Variants in AGTPBP1 observed in about 807,000 individuals in gnomAD.
AGTPBP1 encodes the protein ATP/GTP binding carboxypeptidase 1, also known as cytosolic carboxypeptidase 1.
Under a neutral mutation model 143.9 loss-of-function variants are expected in AGTPBP1, and 70 were observed. The ratio of observed to expected loss-of-function variants is 0.49; its 90% CI spans 0.40 to 0.59. AGTPBP1 has a LOEUF of 0.59. AGTPBP1 is among the 20% of genes least tolerant of loss of function. The pLI is 0.00. For missense variants in AGTPBP1, 1,229 were observed against 1,464.5 expected (o/e 0.84, Z 2.62); for synonymous variants, 463 against 500.2 (o/e 0.93, Z 0.99).
intron 2 of AGTPBP1, among the ~76,000 whole-genome samples, chr9:85,696,713 T>C (rs567494669): frequency 6.6e-6 from 1 of 151,900 alleles, no homozygotes; most frequent in Non-Finnish European, 1.5e-5. Flanking sequence ...TTGATTTGCA[T>C]AATTAAATCA....
chr9:85,760,776 CA>C, the AGTPBP1 span, among the ~76,000 whole-genome samples: 1 of 152,264 alleles, frequency 6.6e-6, no homozygotes, highest in Non-Finnish European at 1.5e-5. Context: ...CCAGGGCAAT[CA>C]GGCAGGAGAA....
chr9:85,633,022 G>T lies in AGTPBP1; in HGVS notation c.1655C>A (p.Ala552Glu), dbSNP rs1192393186. ...AAGACTGCAGTCCTTCTTCATTTCTGCAGTAAAACCTGGGGCTGTTTGAGA... is the reference window on the plus strand; with the variant it reads ...AAGACTGCAGTCCTTCTTCATTTCTTCAGTAAAACCTGGGGCTGTTTGAGA... ...IPSQTAPGFT[A>E]EMKKDCSLPL... Residue 552 changes from alanine to glutamate, a missense_variant, in exon 14 of 26, where the codon GCA becomes GAA. Physicochemically the swap from Ala to Glu is moderately radical, Grantham distance 107. Around this residue, in one of 2 missense-constraint regions of AGTPBP1, gnomAD observed 743 missense variants for 812.2 expected, o/e 0.91. Coordinates refer to ENST00000357081, the MANE Select transcript of AGTPBP1 (RefSeq NM_001330701.2). 1 of 1,614,126 alleles carries T rather than the reference G, an allele frequency of 6.2e-7. No homozygotes were observed. The highest frequency in any genetic ancestry group is 8.5e-7 in the Non-Finnish European group (1 of 1,180,008).
the AGTPBP1 span, among the ~76,000 whole-genome samples, chr9:85,795,365 C>T: frequency 6.6e-6 from 1 of 152,268 alleles, no homozygotes; most frequent in African/African-American, 2.4e-5. Context: ...ATTCAATAAA[C>T]TTCTGTGTGC....
At chr9:85,665,939 A>G (rs1384081322) in intron 8 of AGTPBP1, among the ~76,000 whole-genome samples, 2 of 152,166 alleles carry the variant, frequency 1.3e-5, no homozygotes, top group Non-Finnish European at 2.9e-5. Flanking sequence ...TATAAGCCAG[A>G]GTAAATTAAT....
rs568042856 is a variant in AGTPBP1, at chr9:85,712,035, G to GGGTGGATCACCT, written c.32+455_32+466dup. ...TCCCAGCACTTTGGGAGGCCAAGGCGGGTGGATCACCTGAGGTCAGGAGTT... is the reference window on the plus strand; with the variant it reads ...TCCCAGCACTTTGGGAGGCCAAGGCGGGTGGATCACCTGGTGGATCACCTGAGGTCAGGAGTT... On this transcript the variant is annotated intron_variant, in intron 2 of 25. Transcript: ENST00000357081. 9.8e-3 allele frequency among the ~76,000 whole-genome samples: 1,497 copies of GGGTGGATCACCT among 152,162 alleles called. 31 individuals carry two copies. The highest frequency in any genetic ancestry group is 0.034 in the African/African-American group (1,402 of 41,500).
chr9:85,671,232 G>A (rs1027402272), intron 7 of AGTPBP1, among the ~76,000 whole-genome samples: 2 of 151,950 alleles, frequency 1.3e-5, no homozygotes, highest in African/African-American at 2.4e-5. Context: ...AGCCATGTGC[G>A]ACTGTACCAG....
intron 3 of AGTPBP1, among the ~76,000 whole-genome samples, chr9:85,688,276 A>G (rs1256158016): frequency 6.6e-6 from 1 of 152,122 alleles, no homozygotes; most frequent in Non-Finnish European, 1.5e-5. Flanking sequence ...TAGCTAGGCT[A>G]GGGTCTCTTA....
At chr9:85,774,951 A>AT in the AGTPBP1 span, among the ~76,000 whole-genome samples, 2 of 152,146 alleles carry the variant, frequency 1.3e-5, no homozygotes, top group Admixed American at 6.5e-5. Flanking sequence ...ATATTTTAAT[A>AT]TTTTTTTAAG....
chr9:85,642,643 A>G (rs926396311), intron 13 of AGTPBP1, among the ~76,000 whole-genome samples, 184 bp downstream of exon 13: 2 of 151,774 alleles, frequency 1.3e-5, no homozygotes, highest in African/African-American at 4.8e-5. Context: ...ATCTCCCCTC[A>G]TTTTACAATT....
intron 17 of AGTPBP1, among the ~76,000 whole-genome samples, chr9:85,597,653 AT>A (rs750791420): frequency 2.0e-5 from 3 of 152,136 alleles, no homozygotes; most frequent in Non-Finnish European, 2.9e-5. Context: ...GGTAAATGCT[AT>A]TATTATTCCC....
intron 25 of AGTPBP1, among the ~76,000 whole-genome samples, chr9:85,549,045 T>C (rs570385881): frequency 2.6e-5 from 4 of 152,358 alleles, no homozygotes; most frequent in Admixed American, 6.5e-5. Context: ...CTCCTTGAGT[T>C]TGTATTTCAA....
chr9:85,687,510 C>G (rs1027369815), intron 3 of AGTPBP1, among the ~76,000 whole-genome samples: 1 of 151,738 alleles, frequency 6.6e-6, no homozygotes, highest in Non-Finnish European at 1.5e-5. Flanking sequence ...TGAAATCAAT[C>G]AAAGTATATT....
chr9:85,751,341 A>G, the AGTPBP1 span, among the ~76,000 whole-genome samples: 2 of 152,254 alleles, frequency 1.3e-5, no homozygotes, highest in Admixed American at 1.3e-4. Flanking sequence ...TAACACTTTT[A>G]TAAAACATGA....
Position 85,630,391 on chromosome 9 carries a change from C to CTTATTTATTTATTTATTTAT in AGTPBP1, c.2015+2270_2015+2271insATAAATAAATAAATAAATAA, listed in dbSNP as rs201466007. ...CAGGATTGACTTACTTACTTACTTACTTATTTATTTAGTTATTTATTTATT... is the reference window on the plus strand; with the variant it reads ...CAGGATTGACTTACTTACTTACTTACTTATTTATTTATTTATTTATTTATTTATTTAGTTATTTATTTATT... On this transcript the variant is annotated intron_variant, in intron 14 of 25. Transcript: ENST00000357081. Among the ~76,000 whole-genome samples the CTTATTTATTTATTTATTTAT allele has an allele frequency of 9.2e-3, 1,399 of 151,462 alleles. 22 individuals carry two copies. Among genetic ancestry groups the CTTATTTATTTATTTATTTAT allele is most frequent in the African/African-American group, 0.032 (1,311 of 40,994 alleles).
intron 2 of AGTPBP1, among the ~76,000 whole-genome samples, chr9:85,699,530 A>G (rs184380946): frequency 6.6e-6 from 1 of 152,046 alleles, no homozygotes; most frequent in African/African-American, 2.4e-5. Context: ...TACCTTTTTC[A>G]CCTTAAAATA....
chr9:85,606,055 T>C (rs59656694), intron 17 of AGTPBP1, among the ~76,000 whole-genome samples: 1,732 of 152,078 alleles, frequency 0.011, 38 homozygotes, highest in African/African-American at 0.039. Context: ...TCAATAACAA[T>C]GAATGTAACT....
chr9:85,669,971 T>C (rs1303888391), intron 7 of AGTPBP1, among the ~76,000 whole-genome samples: 1 of 152,170 alleles, frequency 6.6e-6, no homozygotes, highest in Non-Finnish European at 1.5e-5. Context: ...AAACAAATAA[T>C]TACTAAATTA....
intron 7 of AGTPBP1, among the ~76,000 whole-genome samples, chr9:85,670,271 GA>G (rs1346162540): frequency 6.6e-6 from 1 of 152,114 alleles, no homozygotes. Flanking sequence ...AAAAAGATGA[GA>G]AATTATGAAG....
At chr9:85,741,644 C>T (rs1824292382) in intron 1 of AGTPBP1, 131 bp downstream of exon 1, 2 of 1,245,330 alleles carry the variant, frequency 1.6e-6, no homozygotes, top group Non-Finnish European at 2.0e-6. Flanking sequence ...TTACACAACC[C>T]GTCAGGTAAG....
Sources: allele counts gnomAD v4.1 joint callset (sites outside exome capture counted in the v4.1 genomes callset), GRCh38; gene constraint gnomAD v4.1.1; regional missense constraint gnomAD v4.1.1; transcripts MANE v1.5; gene names NCBI Gene and HGNC (gene_info 2026-07-23, HGNC 2026-07-21).